The following UNC13C variants were observed in gnomAD, a reference collection of about 807,000 sequenced individuals.
UNC13C encodes unc-13 homolog C, also known as protein unc-13 homolog C.
In UNC13C, 174 loss-of-function variants were observed where a neutral mutation model predicts 245.4. The ratio of observed to expected loss-of-function variants is 0.71; its 90% CI spans 0.63 to 0.80. The LOEUF is 0.80. UNC13C is among the 30% of genes least tolerant of loss of function. UNC13C has a pLI of 0.00. For synonymous variants in UNC13C, 992 were observed against 895.1 expected (o/e 1.11, Z -1.93); for missense variants, 2,829 against 2,602.9 (o/e 1.09, Z -1.89).
At chr15:54,538,143 A>AAAAAAAAAAAAAAAAAAAAAAAAC (rs1896072488) in intron 26 of UNC13C, among the ~76,000 whole-genome samples, 2 of 141,500 alleles carry the variant, frequency 1.4e-5, no homozygotes, top group African/African-American at 5.4e-5. Flanking sequence ...CAAAAAAAAA[A>AAAAAAAAAAAAAAAAAAAAAAAAC]AAAAAAAAAA....
intron 8 of UNC13C, among the ~76,000 whole-genome samples, chr15:54,258,822 G>T (rs1395471143): frequency 6.6e-6 from 1 of 152,150 alleles, no homozygotes; most frequent in Non-Finnish European, 1.5e-5. Context: ...CTGTTTTTCA[G>T]ATGAAGAAGC....
chr15:54,022,159 T>C (rs1895928438), intron 2 of UNC13C, among the ~76,000 whole-genome samples: 1 of 152,206 alleles, frequency 6.6e-6, no homozygotes, highest in African/African-American at 2.4e-5. Context: ...GGAACCTCCA[T>C]AGTATTTTCT....
At chr15:54,246,974 G>C (rs530939255) in intron 7 of UNC13C, among the ~76,000 whole-genome samples, 104 of 152,300 alleles carry the variant, frequency 6.8e-4, no homozygotes, top group African/African-American at 2.2e-3. Context: ...AAATCCTGCT[G>C]TCCTTGGGTC....
rs144508678 is a variant in UNC13C at position 54,442,515 on chromosome 15, G to A, written c.4933+27448G>A. Among the ~76,000 whole-genome samples the A allele has an allele frequency of 3.0e-3, 451 of 152,100 alleles. 3 individuals are homozygous for A. The highest frequency in any genetic ancestry group is 4.6e-3 in the Non-Finnish European group (310 of 67,984). Reference sequence around the variant, plus strand: ...TGGGATTACAGGTGTGAGTCACCACGCTCAGCCCCAGTTCTTAGAGGAAAG... The same window carrying A: ...TGGGATTACAGGTGTGAGTCACCACACTCAGCCCCAGTTCTTAGAGGAAAG... On this transcript the variant is annotated intron_variant, in intron 19 of 32. Transcript: ENST00000260323.
chr15:54,037,893 A>G (rs1391311690), intron 2 of UNC13C, among the ~76,000 whole-genome samples: 1 of 133,054 alleles, frequency 7.5e-6, no homozygotes, highest in Non-Finnish European at 1.7e-5. Flanking sequence ...AATATATGGA[A>G]ATCTGTATTC....
intron 4 of UNC13C, among the ~76,000 whole-genome samples, chr15:54,223,567 G>GC (rs2035290203): frequency 6.6e-6 from 1 of 151,256 alleles, no homozygotes; most frequent in Non-Finnish European, 1.5e-5. Flanking sequence ...TGTATGTTTT[G>GC]TTTTTGTTTT....
intron 2 of UNC13C, among the ~76,000 whole-genome samples, chr15:54,027,422 G>A (rs1287292892): frequency 6.6e-6 from 1 of 151,978 alleles, no homozygotes; most frequent in African/African-American, 2.4e-5. Flanking sequence ...AGGGTGGAGT[G>A]CAGTGGCAGG....
chr15:54,456,571 T>C (rs1029506301), intron 19 of UNC13C, among the ~76,000 whole-genome samples: 2 of 150,818 alleles, frequency 1.3e-5, no homozygotes, highest in African/African-American at 4.9e-5. Context: ...ACCTCTTTTG[T>C]TAGGTTTACT....
chr15:54,546,158 T>C (rs539755674), intron 26 of UNC13C, among the ~76,000 whole-genome samples: 20 of 152,322 alleles, frequency 1.3e-4, no homozygotes, highest in African/African-American at 4.6e-4. Context: ...GATGAGTTCA[T>C]GTCCTTTGCA....
intron 10 of UNC13C, among the ~76,000 whole-genome samples, chr15:54,270,946 G>A (rs1468590625): frequency 1.3e-5 from 2 of 152,062 alleles, no homozygotes; most frequent in Non-Finnish European, 2.9e-5. Context: ...CACAAAACTG[G>A]TAAAATGAAA....
chr15:54,173,940 A>G (rs79987737), intron 4 of UNC13C, among the ~76,000 whole-genome samples: 5,438 of 152,170 alleles, frequency 0.036, 284 homozygotes, highest in East Asian at 0.11. Flanking sequence ...CCATTTATAT[A>G]TCCATTGAGA....
intron 22 of UNC13C, among the ~76,000 whole-genome samples, chr15:54,502,565 T>TAGAG (rs1894273050): frequency 1.3e-5 from 2 of 152,174 alleles, no homozygotes; most frequent in Non-Finnish European, 2.9e-5. Context: ...CTAAAAATTC[T>TAGAG]CTAAGTCTTT....
rs1001733089 is a variant in UNC13C at position 54,012,898 on chromosome 15, C to G, written c.-6C>G. On this transcript the variant is annotated 5_prime_UTR_variant, in exon 2 of 33. Coordinates refer to ENST00000260323, the MANE Select transcript of UNC13C (RefSeq NM_001080534.3). ...GGGGCAGAAAAGCTTGCACTAATTG[C>G]TCTCCATGGTGGCTAATTTTTTCAA... 2.5e-6 allele frequency: 4 copies of G among 1,575,374 alleles called. No individual in the cohort carries two copies. The highest frequency in any genetic ancestry group is 1.9e-5 in the Admixed American group (1 of 52,070).
chr15:54,600,441 C>G (rs1484069170), intron 30 of UNC13C, among the ~76,000 whole-genome samples: 1 of 152,002 alleles, frequency 6.6e-6, no homozygotes, highest in East Asian at 1.9e-4. Flanking sequence ...GGGGAGCAGG[C>G]CAGATAAGCT....
intron 2 of UNC13C, among the ~76,000 whole-genome samples, chr15:54,021,248 G>C (rs1895892924): frequency 6.6e-6 from 1 of 151,798 alleles, no homozygotes; most frequent in African/African-American, 2.4e-5. Flanking sequence ...TATTGACTGT[G>C]GTCACCATAC....
intron 26 of UNC13C, among the ~76,000 whole-genome samples, chr15:54,533,763 A>G (rs148355061): frequency 1.3e-5 from 2 of 152,242 alleles, no homozygotes; most frequent in Non-Finnish European, 2.9e-5. Context: ...TAGAAGTTCT[A>G]ATTTAGTAAG....
chr15:54,232,323 A>T (rs746527039), intron 4 of UNC13C, among the ~76,000 whole-genome samples: 1 of 152,150 alleles, frequency 6.6e-6, no homozygotes, highest in Non-Finnish European at 1.5e-5. Context: ...AGAGGCAGAG[A>T]TGAATTTTGG....
At chr15:53,938,829 A>T in the UNC13C span, among the ~76,000 whole-genome samples, 2 of 152,160 alleles carry the variant, frequency 1.3e-5, no homozygotes, top group African/African-American at 2.4e-5. Flanking sequence ...ATGTACCAGC[A>T]TCTCTGGTAT....
intron 10 of UNC13C, among the ~76,000 whole-genome samples, chr15:54,274,000 T>G (rs562435740): frequency 6.6e-6 from 1 of 152,278 alleles, no homozygotes; most frequent in East Asian, 1.9e-4. Context: ...AACATGTATT[T>G]AAGTGTGAGG....
Sources: allele counts gnomAD v4.1 joint callset (sites outside exome capture counted in the v4.1 genomes callset), GRCh38; gene constraint gnomAD v4.1.1; transcripts MANE v1.5; gene names NCBI Gene and HGNC (gene_info 2026-07-23, HGNC 2026-07-21).